Variants in OR51B5 observed in about 807,000 individuals in gnomAD.
OR51B5 encodes the protein olfactory receptor family 51 subfamily B member 5.
For missense variants in OR51B5, 456 were observed against 374.6 expected, an observed-to-expected ratio of 1.22 and a Z score of -1.79; for synonymous variants, 186 against 144.8, an observed-to-expected ratio of 1.28 and a Z score of -2.04.
chr11:5,382,868 T>A lies in OR51B5; in HGVS notation n.85-35958A>T, dbSNP rs116821532. Among the ~76,000 whole-genome samples the A allele has an allele frequency of 1.0e-2, 1,516 of 152,262 alleles. 24 individuals carry two copies. The highest frequency in any genetic ancestry group is 0.035 in the African/African-American group (1,460 of 41,544). On this transcript the variant is annotated intron_variant and non_coding_transcript_variant, in intron 1 of 4. Transcript: ENST00000415970. ...AACTTCATGGGTCTCTGTCCTGGTT[T>A]TAGATCTGTATGCCCCGTTTTGGAG... is the stretch of plus-strand genomic sequence containing the variant.
At chr11:5,347,052 C>T (rs1020396321), upstream of OR51B5, 7 of 152,070 alleles carry the variant, frequency 4.6e-5, no homozygotes, top group South Asian at 8.3e-4. Flanking sequence ...CTTAATTAGT[C>T]CCCCCAAGCT....
At chr11:5,467,285 C>T (rs1851151370) in intron 1 of OR51B5, among the ~76,000 whole-genome samples, 1 of 152,126 alleles carries the variant, frequency 6.6e-6, no homozygotes, top group African/African-American at 2.4e-5. Flanking sequence ...GCTTTTCTCT[C>T]CTCGTTGCTT....
intron 1 of OR51B5, chr11:5,430,931 A>G (rs573424432): frequency 1.1e-5 from 5 of 457,068 alleles, no homozygotes; most frequent in South Asian, 3.1e-5. Context: ...ATCACTGTAT[A>G]AAGAATCAAG....
chr11:5,353,761 C>T (rs1476018053), intron 1 of OR51B5, among the ~76,000 whole-genome samples: 1 of 152,200 alleles, frequency 6.6e-6, no homozygotes, highest in African/African-American at 2.4e-5. Context: ...TCATCTCTGG[C>T]CTCTGTCATA....
At chr11:5,389,231 C>T in intron 1 of OR51B5, 1 of 703,292 alleles carries the variant, frequency 1.4e-6, no homozygotes. Flanking sequence ...GCGAGGTTAT[C>T]AAAGAAAGTT....
chr11:5,488,291 T>C (rs550544206), intron 1 of OR51B5, among the ~76,000 whole-genome samples: 2 of 151,982 alleles, frequency 1.3e-5, no homozygotes, highest in Admixed American at 6.6e-5. Flanking sequence ...TAAAACTTAA[T>C]AGAGAGGAGG....
At chr11:5,472,310 T>G (rs1223038093) in intron 1 of OR51B5, among the ~76,000 whole-genome samples, 2 of 152,072 alleles carry the variant, frequency 1.3e-5, no homozygotes, top group African/African-American at 4.8e-5. Context: ...CCCTAATCAC[T>G]AAAGGATTTC....
intron 1 of OR51B5, chr11:5,453,912 G>A (rs1850902596): frequency 6.2e-7 from 1 of 1,614,086 alleles, no homozygotes; most frequent in Admixed American, 1.7e-5. Flanking sequence ...TGAAGTCATT[G>A]CTGCAATGGG....
At chr11:5,399,962 G>A (rs2647564) in intron 1 of OR51B5, among the ~76,000 whole-genome samples, 18,428 of 152,076 alleles carry the variant, frequency 0.12, 1,253 homozygotes, top group East Asian at 0.24. Flanking sequence ...GGCAGCACAC[G>A]GGAAGAACAG....
intron 1 of OR51B5, among the ~76,000 whole-genome samples, chr11:5,450,897 C>A (rs774453929): frequency 1.3e-5 from 2 of 151,706 alleles, no homozygotes; most frequent in Non-Finnish European, 2.9e-5. Flanking sequence ...AAGGACATGA[C>A]CTGCATGCTC....
intron 1 of OR51B5, among the ~76,000 whole-genome samples, chr11:5,349,779 A>G (rs546479571): frequency 1.1e-4 from 17 of 152,124 alleles, no homozygotes; most frequent in Non-Finnish European, 2.4e-4. Context: ...TTTTGAGGAC[A>G]GAGTTGCTTT....
chr11:5,372,890 T>C (rs149273919), intron 1 of OR51B5, among the ~76,000 whole-genome samples: 278 of 152,312 alleles, frequency 1.8e-3, no homozygotes, highest in African/African-American at 6.3e-3. Context: ...AAAAACCAAC[T>C]TGATGGCAGC....
At chr11:5,482,184 C>G (rs1356367918) in intron 1 of OR51B5, among the ~76,000 whole-genome samples, 1 of 102,536 alleles carries the variant, frequency 9.8e-6, no homozygotes, top group Non-Finnish European at 1.9e-5. Flanking sequence ...CAGAACAGAG[C>G]CCTCAGAAAT....
At chr11:5,346,490 C>CAGCCATA (rs1448749020), upstream of OR51B5, 129 of 79,974 alleles carry the variant, frequency 1.6e-3, no homozygotes, top group African/African-American at 3.9e-3. Context: ...AAACTTCTAA[C>CAGCCATA]ATTTACAGCC....
At chr11:5,401,003 C>T (rs1429561058) in intron 1 of OR51B5, among the ~76,000 whole-genome samples, 3 of 152,126 alleles carry the variant, frequency 2.0e-5, no homozygotes, top group African/African-American at 4.8e-5. Context: ...TGTTTGTGTG[C>T]ATTTGGGTGA....
intron 1 of OR51B5, among the ~76,000 whole-genome samples, chr11:5,360,684 A>G (rs1443253715): frequency 6.6e-6 from 1 of 152,016 alleles, no homozygotes; most frequent in Admixed American, 6.6e-5. Context: ...ATAAAGACAC[A>G]TGCACATGTA....
chr11:5,457,732 A>G (rs1850980931), intron 1 of OR51B5, among the ~76,000 whole-genome samples: 1 of 152,200 alleles, frequency 6.6e-6, no homozygotes, highest in South Asian at 2.1e-4. Context: ...AATGCTGAGC[A>G]TTCCTTTATA....
At chr11:5,363,145 C>G (rs1849310473) in intron 1 of OR51B5, among the ~76,000 whole-genome samples, 1 of 151,736 alleles carries the variant, frequency 6.6e-6, no homozygotes, top group Non-Finnish European at 1.5e-5. Context: ...GTCTTCAAAA[C>G]TCAAAGTTTT....
intron 1 of OR51B5, chr11:5,430,606 A>G (rs1850518780): frequency 1.9e-5 from 8 of 410,348 alleles, no homozygotes; most frequent in Non-Finnish European, 3.9e-5. Flanking sequence ...CAGAAACATT[A>G]TCGGAATTTA....
Sources: gnomAD v4.1 joint callset for allele counts (sites outside exome capture counted in the v4.1 genomes callset) on GRCh38, gnomAD v4.1.1 for gene constraint, MANE v1.5 for transcripts, NCBI Gene and HGNC (gene_info 2026-07-23, HGNC 2026-07-21) for gene names.